The following FCER2 variants were observed in gnomAD, a reference collection of about 807,000 sequenced individuals.
The protein encoded by FCER2 is low affinity immunoglobulin epsilon Fc receptor.
FCER2 carries 38 observed loss-of-function variants against 49.7 expected under a neutral mutation model. The ratio of observed to expected loss-of-function variants is 0.76; its 90% CI spans 0.59 to 1.00. The LOEUF (loss-of-function observed/expected upper bound fraction) is 1.00. Among genes scored for constraint, FCER2 ranks in the 50% least tolerant of loss-of-function variants. FCER2 has a pLI of 0.00. For missense variants in FCER2, 425 were observed against 419.5 expected, an observed-to-expected ratio of 1.01 and a Z score of -0.11; for synonymous variants, 163 against 164.6, an observed-to-expected ratio of 0.99 and a Z score of 0.07.
chr19:7,701,512 C>T (rs1261446814), intron 1 of FCER2, among the ~76,000 whole-genome samples: 1 of 152,156 alleles, frequency 6.6e-6, no homozygotes, highest in African/African-American at 2.4e-5. Flanking sequence ...TGTGGGGCCT[C>T]TCTCAGTGGA....
At chr19:7,697,648 C>T (rs1164989267) in intron 4 of FCER2, 59 bp from the exon 5 acceptor site, 12 of 1,403,562 alleles carry the variant, frequency 8.5e-6, no homozygotes, top group East Asian at 4.6e-5. Context: ...CCTTGGACCC[C>T]GCCTATGCCC....
At chr19:7,695,920 C>CTTTTT (rs60387474) in intron 8 of FCER2, among the ~76,000 whole-genome samples, 3 of 80,696 alleles carry the variant, frequency 3.7e-5, no homozygotes, top group South Asian at 4.8e-4. Flanking sequence ...CCATCTCTCT[C>CTTTTT]TTTTTTTTTT....
chr19:7,692,497 C>T lies in FCER2; in HGVS notation c.470-1940G>A, dbSNP rs75537263. 3.2e-3 allele frequency among the ~76,000 whole-genome samples: 486 copies of T among 150,746 alleles called. 101 individuals are homozygous for T. Among genetic ancestry groups the T allele is most frequent in the African/African-American group, 0.011 (445 of 40,744 alleles). On this transcript the variant is annotated intron_variant, in intron 8 of 10. Transcript: ENST00000597921. Reference sequence around the variant, plus strand: ...ACATCAACCACCAACACCATCAGCACGAGCACATTCACATCCAATAACACA... The same window carrying T: ...ACATCAACCACCAACACCATCAGCATGAGCACATTCACATCCAATAACACA...
At position 7,690,558 on chromosome 19, in the gene FCER2, C is replaced by T; in HGVS notation, c.470-1G>A. Reference sequence around the variant, plus strand: ...TCAGGGCACGTGTTGCACACAAAGCCTGGGGTGGAGGAGAGGCTCGGGGGT... The same window carrying T: ...TCAGGGCACGTGTTGCACACAAAGCTTGGGGTGGAGGAGAGGCTCGGGGGT... On this transcript the variant is annotated splice_acceptor_variant, in intron 8 of 10. Coordinates refer to ENST00000597921, the MANE Select transcript of FCER2 (RefSeq NM_001220500.2). LOFTEE classifies it high-confidence loss of function. 1 of 1,613,652 alleles carries T rather than the reference C, an allele frequency of 6.2e-7. No homozygotes were observed. Among genetic ancestry groups the T allele is most frequent in the Non-Finnish European group, 8.5e-7 (1 of 1,179,818 alleles).
chr19:7,693,114 G>A (rs17159838), intron 8 of FCER2, among the ~76,000 whole-genome samples: 51,848 of 151,924 alleles, frequency 0.34, 9,779 homozygotes, highest in African/African-American at 0.5. Flanking sequence ...CACACCAGCC[G>A]TGTCTTCATC....
In FCER2 at chr19:7,689,275, C is replaced by A. The variant is rs772125519; in HGVS notation, c.884G>T (p.Gly295Val). Residue 295 changes from glycine (G) to valine (V), a missense_variant, in exon 11 of 11, where the codon GGT (glycine) becomes GTT (valine). Transcript: ENST00000597921. ...LATCTPPASEGSAESMGPDSR... is the reference protein window; with the variant it reads ...LATCTPPASEVSAESMGPDSR... The stretch of plus-strand genomic sequence containing the variant: ...ATCAGGTCCCATGGACTCCGCGGAA[C>A]CTTCGCTGGCTGGCGGCGTGCATGT... 2.1e-5 allele frequency: 34 copies of A among 1,613,684 alleles called. No homozygotes were observed. The highest frequency in any genetic ancestry group is 2.0e-4 in the East Asian group (9 of 44,892).
intron 1 of FCER2, among the ~76,000 whole-genome samples, chr19:7,700,282 G>A (rs1480863569): frequency 6.6e-6 from 1 of 152,116 alleles, no homozygotes; most frequent in Non-Finnish European, 1.5e-5. Flanking sequence ...TGTAAAATGG[G>A]CTGATGACAG....
rs2032789306 is a variant in FCER2 at position 7,689,294 on chromosome 19, T to G, written c.865A>C (p.Thr289Pro). ...AWVCDRLATC[T>P]PPASEGSAES... ...GCGGAACCTTCGCTGGCTGGCGGCG[T>G]GCATGTGGCCAGCCGGTCGCACACC... Residue 289 changes from threonine (T) to proline (P), a missense_variant, in exon 11 of 11, where the codon ACG (threonine) becomes CCG (proline). Thr to Pro is a conservative substitution (Grantham distance 38). Coordinates refer to ENST00000597921, the MANE Select transcript of FCER2 (RefSeq NM_001220500.2). 6.2e-7 allele frequency: 1 copy of G among 1,613,230 alleles called. No individual in the cohort carries two copies. Among genetic ancestry groups the G allele is most frequent in the African/African-American group, 1.3e-5 (1 of 74,882 alleles).
intron 8 of FCER2, among the ~76,000 whole-genome samples, chr19:7,696,424 C>T (rs757561761): frequency 1.9e-4 from 29 of 151,784 alleles, no homozygotes; most frequent in Non-Finnish European, 4.0e-4. Flanking sequence ...TTAGTGGAGA[C>T]GGGGTTTCAC....
chr19:7,700,364 C>T (rs754713875), intron 1 of FCER2, among the ~76,000 whole-genome samples: 1 of 152,122 alleles, frequency 6.6e-6, no homozygotes, highest in African/African-American at 2.4e-5. Context: ...TGCCGGGCTG[C>T]GCACAGTGGG....
intron 10 of FCER2, among the ~76,000 whole-genome samples, chr19:7,689,790 C>T (rs113483829): frequency 0.35 from 53,712 of 151,552 alleles, 10,787 homozygotes; most frequent in African/African-American, 0.55. Flanking sequence ...TGGCTAATTT[C>T]TGTATTTTTA....
At chr19:7,690,062 G>C in intron 10 of FCER2, 97 bp downstream of exon 10, 1 of 821,914 alleles carries the variant, frequency 1.2e-6, no homozygotes, top group Non-Finnish European at 2.1e-6. Flanking sequence ...CCTTATCTCT[G>C]AGCCCTCATC....
chr19:7,698,332 C>G (rs186856964), intron 4 of FCER2, 24 bp downstream of exon 4: 7 of 1,553,614 alleles, frequency 4.5e-6, no homozygotes, highest in South Asian at 1.2e-5. Flanking sequence ...CACCCCCACC[C>G]CCTCCACCTT....
At chr19:7,696,092 C>T (rs539291203) in intron 8 of FCER2, among the ~76,000 whole-genome samples, 1 of 151,680 alleles carries the variant, frequency 6.6e-6, no homozygotes, top group South Asian at 2.1e-4. Context: ...CGCCACCACA[C>T]CCGGTTAATT....
At chr19:7,692,305 C>A (rs936085832) in intron 8 of FCER2, among the ~76,000 whole-genome samples, 1 of 130,518 alleles carries the variant, frequency 7.7e-6, no homozygotes, top group Non-Finnish European at 1.6e-5. Flanking sequence ...ACCATCAGCA[C>A]GAATACATTC....
chr19:7,690,829 C>T lies in FCER2; in HGVS notation c.470-272G>A, dbSNP rs531994590. On this transcript the variant is annotated intron_variant, in intron 8 of 10. Transcript: ENST00000597921. ...TGTCGACCATCAACACCTCAACTAC[C>T]ATCAGCATCTCCACAAACACCTCAT... 9.3e-4 allele frequency among the ~76,000 whole-genome samples: 142 copies of T among 152,168 alleles called. 2 individuals are homozygous for T. Among genetic ancestry groups the T allele is most frequent in the African/African-American group, 3.2e-3 (133 of 41,490 alleles).
chr19:7,701,825 G>C (rs1182467407), intron 1 of FCER2, among the ~76,000 whole-genome samples, 190 bp downstream of exon 1: 1 of 152,108 alleles, frequency 6.6e-6, no homozygotes, highest in South Asian at 2.1e-4. Context: ...CCCCAAATCA[G>C]GGACTCGAAT....
intron 8 of FCER2, 85 bp downstream of exon 8, chr19:7,696,740 A>G: frequency 1.0e-6 from 1 of 958,172 alleles, no homozygotes; most frequent in Non-Finnish European, 1.6e-6. Context: ...GCCTCACGTC[A>G]CACGTGCGTG....
chr19:7,701,932 G>A (rs2033161066), intron 1 of FCER2, 83 bp downstream of exon 1: 6 of 124,868 alleles, frequency 4.8e-5, no homozygotes, highest in African/African-American at 1.9e-4. Context: ...GTCATCCCTT[G>A]AGGCTCAGCC....
Sources: gnomAD v4.1 joint callset for allele counts (sites outside exome capture counted in the v4.1 genomes callset) on GRCh38, gnomAD v4.1.1 for gene constraint, MANE v1.5 for transcripts, NCBI Gene and HGNC (gene_info 2026-07-23, HGNC 2026-07-21) for gene names.